The following ITGB1 variants were observed in gnomAD, a reference collection of about 807,000 sequenced individuals.
ITGB1 encodes integrin subunit beta 1.
Under a neutral mutation model 86.5 loss-of-function variants are expected in ITGB1, and 24 were observed. The ratio of observed to expected loss-of-function variants is 0.28; its 90% CI spans 0.20 to 0.39. The LOEUF is 0.39. ITGB1 is among the 10% of genes least tolerant of loss of function. The probability of loss-of-function intolerance (pLI) is 1.00; values close to 1 mark genes in which losing one functional copy is unlikely to be tolerated. For synonymous variants in ITGB1, 323 were observed against 316.8 expected, an observed-to-expected ratio of 1.02 and a Z score of -0.21; for missense variants, 556 against 946.9, an observed-to-expected ratio of 0.59 and a Z score of 5.42.
intron 1 of ITGB1, among the ~76,000 whole-genome samples, chr10:32,938,835 C>T (rs553202982): frequency 5.3e-5 from 8 of 152,202 alleles, no homozygotes; most frequent in African/African-American, 1.7e-4. Flanking sequence ...CAATTAAGAA[C>T]ACAGAAGAGC....
chr10:32,910,471 C>A lies in ITGB1; in HGVS notation c.1932-16G>T. 6.7e-7 allele frequency: 1 copy of A among 1,484,688 alleles called. No individual in the cohort carries two copies. Among genetic ancestry groups the A allele is most frequent in the African/African-American group, 1.4e-5 (1 of 71,636 alleles). The allele number at this position is 1,484,688 out of a possible 1,614,324, so 92.0% of individuals were successfully genotyped here. ...AACACATTCTCTGTTACAAAAAACACAAATTATGATATTTACATTTTATTA... is the reference window on the plus strand; with the variant it reads ...AACACATTCTCTGTTACAAAAAACAAAAATTATGATATTTACATTTTATTA... On this transcript the variant is annotated splice_polypyrimidine_tract_variant and intron_variant, in intron 13 of 15. Coordinates refer to ENST00000302278, the MANE Select transcript of ITGB1 (RefSeq NM_002211.4).
At chr10:32,908,295 C>A (rs1235336773) in intron 15 of ITGB1, 73 bp downstream of exon 15, 1 of 1,351,034 alleles carries the variant, frequency 7.4e-7, no homozygotes, top group East Asian at 2.3e-5. Context: ...AGCCTGACAG[C>A]TAATACATAA....
chr10:32,957,837 C>G (rs2095055866), intron 1 of ITGB1: 1 of 152,198 alleles, frequency 6.6e-6, no homozygotes, highest in Admixed American at 6.5e-5. Context: ...CCGGCAGCCC[C>G]GACGTGACAG....
At chr10:32,915,126 A>C (rs1302379472) in intron 11 of ITGB1, among the ~76,000 whole-genome samples, 2 of 152,232 alleles carry the variant, frequency 1.3e-5, no homozygotes, top group East Asian at 3.8e-4. Flanking sequence ...GTGAGAACAA[A>C]GACACAACAT....
intron 7 of ITGB1, 97 bp from the exon 8 acceptor site, chr10:32,922,832 CGAT>C: frequency 3.1e-6 from 2 of 641,252 alleles, no homozygotes; most frequent in Non-Finnish European, 5.3e-6. Flanking sequence ...ACACATAACT[CGAT>C]TACAAGACTG....
intron 11 of ITGB1, among the ~76,000 whole-genome samples, chr10:32,914,104 A>G (rs1216181841): frequency 1.3e-5 from 2 of 152,190 alleles, no homozygotes; most frequent in Non-Finnish European, 2.9e-5. Context: ...CTTTACAGAC[A>G]AGCAAATGCT....
chr10:32,956,479 G>C (rs1393540043), intron 1 of ITGB1, among the ~76,000 whole-genome samples: 1 of 152,022 alleles, frequency 6.6e-6, no homozygotes, highest in Non-Finnish European at 1.5e-5. Context: ...AGCTCGGTGA[G>C]AGAGGACAGC....
intron 1 of ITGB1, among the ~76,000 whole-genome samples, chr10:32,950,669 T>C (rs1446120889): frequency 2.6e-5 from 4 of 152,124 alleles, no homozygotes; most frequent in African/African-American, 9.7e-5. Context: ...GTAGTCTGAA[T>C]TAGAAAACCA....
chr10:32,949,711 T>A (rs777201182), intron 1 of ITGB1, among the ~76,000 whole-genome samples: 3 of 152,206 alleles, frequency 2.0e-5, no homozygotes, highest in Non-Finnish European at 4.4e-5. Flanking sequence ...CTGTCAAAAA[T>A]AGTGCATAAT....
chr10:32,935,651 C>A, intron 1 of ITGB1, 93 bp from the exon 2 acceptor site: 1 of 858,258 alleles, frequency 1.2e-6, no homozygotes, highest in Admixed American at 2.1e-5. Context: ...CCTTCTATTG[C>A]TTTTATAAAC....
chr10:32,905,666 C>A (rs1479457764), intron 15 of ITGB1, among the ~76,000 whole-genome samples: 2 of 152,178 alleles, frequency 1.3e-5, no homozygotes, highest in African/African-American at 4.8e-5. Flanking sequence ...GTTACATAAC[C>A]CTTATGTGTC....
chr10:32,913,825 G>A (rs1482122750), intron 11 of ITGB1, among the ~76,000 whole-genome samples: 1 of 152,132 alleles, frequency 6.6e-6, no homozygotes. Context: ...AAGCCACAAA[G>A]ATACTCCTTG....
chr10:32,948,233 G>T (rs1302504273), intron 1 of ITGB1, among the ~76,000 whole-genome samples: 1 of 152,062 alleles, frequency 6.6e-6, no homozygotes, highest in Admixed American at 6.5e-5. Flanking sequence ...TCTATTTAAT[G>T]TGCTTTCTAA....
rs117543700 is a variant in ITGB1 at position 32,910,611 on chromosome 10, T to C, written c.1932-156A>G. On this transcript the variant is annotated intron_variant, in intron 13 of 15. Coordinates refer to ENST00000302278, the MANE Select transcript of ITGB1 (RefSeq NM_002211.4). ...TGAAGAGGAACATTACATTTGTGGA[T>C]AGAAAAATTATGTAAAAAGATGCTA... is the stretch of plus-strand genomic sequence containing the variant. Among the ~76,000 whole-genome samples, 1,161 of 152,272 alleles carry C rather than the reference T, an allele frequency of 7.6e-3. 7 individuals are homozygous for C. The highest frequency in any genetic ancestry group is 0.02 in the Middle Eastern group (6 of 294).
At chr10:32,902,828 G>C (rs563257595) in intron 15 of ITGB1, among the ~76,000 whole-genome samples, 1 of 152,052 alleles carries the variant, frequency 6.6e-6, no homozygotes, top group African/African-American at 2.4e-5. Context: ...TAGTTTGGTG[G>C]GTGAGAGACA....
intron 1 of ITGB1, among the ~76,000 whole-genome samples, chr10:32,952,803 C>G (rs1411143699): frequency 6.6e-6 from 1 of 152,124 alleles, no homozygotes; most frequent in Non-Finnish European, 1.5e-5. Flanking sequence ...ACTTAATTAA[C>G]TACTCCTTCT....
chr10:32,953,084 T>G (rs1173922234), intron 1 of ITGB1, among the ~76,000 whole-genome samples: 3 of 152,194 alleles, frequency 2.0e-5, no homozygotes, highest in Non-Finnish European at 2.9e-5. Context: ...TAGATTGGAT[T>G]CTTCCCATGC....
intron 1 of ITGB1, among the ~76,000 whole-genome samples, chr10:32,952,206 A>G (rs2095043999): frequency 6.6e-6 from 1 of 152,172 alleles, no homozygotes; most frequent in Admixed American, 6.5e-5. Flanking sequence ...TTATCAGCAA[A>G]TATATTTCTA....
chr10:32,903,705 C>CAAAACTGTG (rs2094888730), intron 15 of ITGB1, among the ~76,000 whole-genome samples: 1 of 152,056 alleles, frequency 6.6e-6, no homozygotes, highest in Non-Finnish European at 1.5e-5. Flanking sequence ...ATGTGGATGA[C>CAAAACTGTG]AAAACTGTGT....
Sources: gnomAD v4.1 joint callset for allele counts (sites outside exome capture counted in the v4.1 genomes callset) on GRCh38, gnomAD v4.1.1 for gene constraint, MANE v1.5 for transcripts, NCBI Gene and HGNC (gene_info 2026-07-23, HGNC 2026-07-21) for gene names.